Variants in SH3YL1 observed in about 807,000 individuals in gnomAD.
The protein encoded by SH3YL1 is SH3 domain-containing YSC84-like protein 1.
Under a neutral mutation model 45.8 loss-of-function variants are expected in SH3YL1, and 41 were observed. The ratio of observed to expected loss-of-function variants is 0.89; its 90% CI spans 0.70 to 1.16. SH3YL1 has a LOEUF of 1.16. Among genes scored for constraint, SH3YL1 ranks in the 50% most tolerant of loss-of-function variants. The pLI is 0.00. For synonymous variants in SH3YL1, 152 were observed against 151.4 expected (o/e 1.00, Z -0.03); for missense variants, 389 against 409.6 (o/e 0.95, Z 0.43).
intron 8 of SH3YL1, among the ~76,000 whole-genome samples, chr2:227,154 T>C (rs1038613919): frequency 2.6e-5 from 4 of 152,032 alleles, no homozygotes; most frequent in South Asian, 2.1e-4. Context: ...GGATTGTACA[T>C]GGTGGATGGT....
chr2:229,772 G>T, intron 8 of SH3YL1, 194 bp downstream of exon 8: 3 of 364,768 alleles, frequency 8.2e-6, no homozygotes, highest in Non-Finnish European at 1.0e-5. Flanking sequence ...TGAATAGAAA[G>T]AGAAGTTTTC....
chr2:264,749 T>G (rs1669784190), upstream of SH3YL1: 2 of 525,496 alleles, frequency 3.8e-6, no homozygotes, highest in Non-Finnish European at 6.6e-6. Flanking sequence ...TCCCTGCAGG[T>G]GACCCGCGGA....
At chr2:246,740 C>T (rs893244384) in intron 4 of SH3YL1, among the ~76,000 whole-genome samples, 2 of 151,992 alleles carry the variant, frequency 1.3e-5, no homozygotes, top group African/African-American at 4.8e-5. Flanking sequence ...TCATGATAAG[C>T]AAAACTAAAA....
intron 1 of SH3YL1, chr2:260,089 A>G (rs2103060708): frequency 6.6e-6 from 1 of 152,304 alleles, no homozygotes; most frequent in African/African-American, 2.4e-5. Flanking sequence ...ACTCACCAAT[A>G]CTACTGTCTG....
intron 4 of SH3YL1, among the ~76,000 whole-genome samples, chr2:238,532 G>A (rs761421484): frequency 1.3e-5 from 2 of 152,074 alleles, no homozygotes; most frequent in South Asian, 2.1e-4. Flanking sequence ...AAAAGCAGTC[G>A]TTTTTGTTTT....
At chr2:219,053 G>T in intron 9 of SH3YL1, 52 bp from the exon 10 acceptor site, 1 of 1,488,646 alleles carries the variant, frequency 6.7e-7, no homozygotes, top group Non-Finnish European at 9.1e-7. Flanking sequence ...GAGAAATTGG[G>T]GGTATCTGCT....
chr2:245,032 C>T (rs1389568941), intron 4 of SH3YL1, among the ~76,000 whole-genome samples: 1 of 152,176 alleles, frequency 6.6e-6, no homozygotes, highest in African/African-American at 2.4e-5. Flanking sequence ...ATACCCCATG[C>T]TCCCGTTCTG....
At chr2:264,810 T>G (rs2103067689), upstream of SH3YL1, 2 of 839,738 alleles carry the variant, frequency 2.4e-6, no homozygotes, top group African/African-American at 1.8e-5. Context: ...GCAGGCGCAC[T>G]GGAGCCGATT....
intron 8 of SH3YL1, among the ~76,000 whole-genome samples, chr2:228,888 G>A (rs1219670110): frequency 6.6e-6 from 1 of 152,182 alleles, no homozygotes; most frequent in African/African-American, 2.4e-5. Flanking sequence ...AGGAGGCCGA[G>A]GATGCGCTTC....
At position 219,594 on chromosome 2, in the gene SH3YL1, G is replaced by A. The variant is rs560825655; in HGVS notation, c.839-593C>T. On this transcript the variant is annotated intron_variant, in intron 9 of 9. Coordinates refer to ENST00000356150, the MANE Select transcript of SH3YL1 (RefSeq NM_015677.4). ...TGAGAAATAAAATTCCATTGTCTAT[G>A]AGCTGCCCAGACTATGGTGTTTTGT... 9.6e-4 allele frequency among the ~76,000 whole-genome samples: 146 copies of A among 152,258 alleles called. 1 individual carries two copies. Among genetic ancestry groups the A allele is most frequent in the Admixed American group, 3.9e-3 (59 of 15,298 alleles).
At chr2:261,187 T>C (rs769285615) in intron 1 of SH3YL1, 1 of 152,190 alleles carries the variant, frequency 6.6e-6, no homozygotes, top group African/African-American at 2.4e-5. Context: ...TCAAATCCCA[T>C]CCTCAGCATC....
chr2:226,333 A>G (rs1667783271), intron 8 of SH3YL1, among the ~76,000 whole-genome samples: 1 of 152,242 alleles, frequency 6.6e-6, no homozygotes, highest in Non-Finnish European at 1.5e-5. Flanking sequence ...TAACATTTCC[A>G]TAAATTGAGA....
intron 4 of SH3YL1, among the ~76,000 whole-genome samples, chr2:237,217 A>G (rs896415388): frequency 6.6e-6 from 1 of 151,940 alleles, no homozygotes; most frequent in Admixed American, 6.6e-5. Flanking sequence ...TGCTTGGTAC[A>G]TCGTGGTACA....
At chr2:260,171 C>A (rs1669527805) in intron 1 of SH3YL1, 1 of 152,132 alleles carries the variant, frequency 6.6e-6, no homozygotes, top group Non-Finnish European at 1.5e-5. Flanking sequence ...GCTTTTATAG[C>A]CATTACTATC....
At chr2:224,801 T>C in intron 9 of SH3YL1, 63 bp downstream of exon 9, 1 of 1,187,724 alleles carries the variant, frequency 8.4e-7, no homozygotes, top group Non-Finnish European at 1.3e-6. Context: ...TCAGATTAAT[T>C]AGGAAGTTTG....
chr2:252,369 C>T (rs566428716), intron 2 of SH3YL1, among the ~76,000 whole-genome samples: 12 of 152,252 alleles, frequency 7.9e-5, no homozygotes, highest in South Asian at 4.2e-4. Context: ...TCTTAGCACG[C>T]GATGCAAAGG....
chr2:244,201 T>TAAA (rs35001894), intron 4 of SH3YL1, among the ~76,000 whole-genome samples: 3 of 147,346 alleles, frequency 2.0e-5, no homozygotes, highest in East Asian at 2.0e-4. Flanking sequence ...ACAAGTTTTG[T>TAAA]AAAAAAAAAA....
chr2:241,298 G>A (rs906441548), intron 4 of SH3YL1: 4 of 152,020 alleles, frequency 2.6e-5, no homozygotes, highest in African/African-American at 9.7e-5. Context: ...GAAGTTTAAC[G>A]GTAGATCTGA....
Position 219,135 on chromosome 2 carries a change from C to T in SH3YL1, c.839-134G>A. On this transcript the variant is annotated intron_variant, in intron 9 of 9. Coordinates refer to ENST00000356150, the MANE Select transcript of SH3YL1 (RefSeq NM_015677.4). The stretch of plus-strand genomic sequence containing the variant: ...GGAGGCTGGCAGAAACCACAACAGT[C>T]TGTGTAATTTTCATCACATTATTAA... 6.8e-6 allele frequency: 4 copies of T among 585,774 alleles called. No homozygotes were observed. The East Asian group carries it at 1.2e-4, about 17-fold the overall frequency. The allele number at this position is 585,774 out of a possible 1,614,324, so 36.3% of individuals were successfully genotyped here. A position where few individuals can be genotyped will look rare whatever the true frequency, so the allele number is the denominator to read the frequency against.
Sources: allele counts gnomAD v4.1 joint callset (sites outside exome capture counted in the v4.1 genomes callset), GRCh38; gene constraint gnomAD v4.1.1; transcripts MANE v1.5; gene names NCBI Gene and HGNC (gene_info 2026-07-23, HGNC 2026-07-21).